The following THADA variants were observed in gnomAD, a reference collection of about 807,000 sequenced individuals.
THADA encodes the protein THADA armadillo repeat containing.
A neutral mutation model predicts 219.8 loss-of-function variants in THADA; 213 were observed. The observed-to-expected ratio is 0.97, with a 90% CI of 0.87 to 1.09. The LOEUF is 1.09. THADA is among the 50% of genes least tolerant of loss of function. The probability of loss-of-function intolerance (pLI) is 0.00; values close to 1 mark genes in which losing one functional copy is unlikely to be tolerated. For missense variants in THADA, 2,956 were observed against 2,311.3 expected, an observed-to-expected ratio of 1.28 and a Z score of -5.72; for synonymous variants, 1,018 against 828.9, an observed-to-expected ratio of 1.23 and a Z score of -3.92.
chr2:43,557,229 T>C (rs1189062609), intron 16 of THADA, among the ~76,000 whole-genome samples: 2 of 152,252 alleles, frequency 1.3e-5, no homozygotes, highest in African/African-American at 4.8e-5. Context: ...CTGGAAATAA[T>C]TTCAATTGGG....
chr2:43,357,522 G>A (rs1277619470), intron 29 of THADA, among the ~76,000 whole-genome samples: 3 of 152,190 alleles, frequency 2.0e-5, no homozygotes, highest in Non-Finnish European at 4.4e-5. Context: ...CCACTTCTAG[G>A]AGTTTATTTT....
chr2:43,271,771 C>A (rs548029983), intron 36 of THADA, among the ~76,000 whole-genome samples: 1 of 152,084 alleles, frequency 6.6e-6, no homozygotes, highest in African/African-American at 2.4e-5. Flanking sequence ...TGCACCACCA[C>A]GCCCAGCTAA....
chr2:43,292,707 C>T, intron 32 of THADA, 127 bp downstream of exon 32: 1 of 1,193,136 alleles, frequency 8.4e-7, no homozygotes, highest in Non-Finnish European at 1.2e-6. Context: ...CCACTGGCTG[C>T]CGAATCTACT....
In THADA at chr2:43,551,919, C is replaced by G. The variant is rs879262874; in HGVS notation, c.2817G>C (p.Leu939=). The change falls in exon 19 of 38, where the codon CTG becomes CTC. Residue 939 remains leucine, a synonymous_variant. Transcript: ENST00000405975. The part of the protein sequence containing the change: ...GALQKLSLNS[L]QLVSEWRPVV... ...CAGGTCTCCACTCGCTCACCAACTGCAGGCTGCTGCAACAAGGACATTAGG... is the reference window on the plus strand; with the variant it reads ...CAGGTCTCCACTCGCTCACCAACTGGAGGCTGCTGCAACAAGGACATTAGG... 6 of 1,610,212 alleles carry G rather than the reference C, an allele frequency of 3.7e-6. No individual in the cohort carries two copies. Among genetic ancestry groups the G allele is most frequent in the Non-Finnish European group, 5.1e-6 (6 of 1,178,976 alleles).
At chr2:43,561,418 T>C (rs188935807) in intron 15 of THADA, among the ~76,000 whole-genome samples, 1 of 152,276 alleles carries the variant, frequency 6.6e-6, no homozygotes, top group East Asian at 1.9e-4. Flanking sequence ...AAAGAAAAAT[T>C]ATCCCAAAGA....
In THADA at chr2:43,271,486, G is replaced by A. The variant is rs564473535; in HGVS notation, c.5296+8279C>T. ...CTTACTGGGTTTAACTACTTTGATAGATACATTCCTCAATTCATTCATTCA... is the reference window on the plus strand; with the variant it reads ...CTTACTGGGTTTAACTACTTTGATAAATACATTCCTCAATTCATTCATTCA... On this transcript the variant is annotated intron_variant, in intron 36 of 37. Coordinates refer to ENST00000405975, the MANE Select transcript of THADA (RefSeq NM_022065.5). 4.6e-5 allele frequency among the ~76,000 whole-genome samples: 7 copies of A among 152,126 alleles called. No individual in the cohort carries two copies. In the South Asian group the frequency reaches 1.5e-3, roughly 32 times the overall value.
Position 43,556,556 on chromosome 2 carries a change from C to T in THADA, c.2464-1G>A, listed in dbSNP as rs747960933. Reference sequence around the variant, plus strand: ...ATAAGCCTTGCAGTTTCCCCGAATCCTAGAATAAAGCGCAGACTCAGTAAC... The same window carrying T: ...ATAAGCCTTGCAGTTTCCCCGAATCTTAGAATAAAGCGCAGACTCAGTAAC... On this transcript the variant is annotated splice_acceptor_variant, in intron 16 of 37. Coordinates refer to ENST00000405975, the MANE Select transcript of THADA (RefSeq NM_022065.5). LOFTEE classifies it high-confidence loss of function. 6.2e-7 allele frequency: 1 copy of T among 1,613,028 alleles called. No homozygotes were observed. Among genetic ancestry groups the T allele is most frequent in the Non-Finnish European group, 8.5e-7 (1 of 1,179,400 alleles).
intron 7 of THADA, among the ~76,000 whole-genome samples, chr2:43,583,934 A>G (rs1461407707): frequency 2.0e-5 from 3 of 151,384 alleles, no homozygotes; most frequent in Admixed American, 1.3e-4. Flanking sequence ...CAGCTACTCC[A>G]GAGGCTGAGG....
intron 34 of THADA, among the ~76,000 whole-genome samples, chr2:43,288,171 C>G (rs1449669597): frequency 1.3e-5 from 2 of 152,232 alleles, no homozygotes; most frequent in Non-Finnish European, 2.9e-5. Flanking sequence ...ATAATCCCAG[C>G]ACTTTGGGAG....
At chr2:43,405,685 T>C (rs1675448038) in intron 28 of THADA, among the ~76,000 whole-genome samples, 1 of 152,214 alleles carries the variant, frequency 6.6e-6, no homozygotes, top group Admixed American at 6.5e-5. Context: ...TTTTAAAGTT[T>C]GATTTTTTAA....
chr2:43,466,087 C>A (rs901817234), intron 26 of THADA, among the ~76,000 whole-genome samples: 1 of 152,162 alleles, frequency 6.6e-6, no homozygotes, highest in Non-Finnish European at 1.5e-5. Context: ...TGCCTCATTT[C>A]CAACCTGAAC....
Position 43,505,655 on chromosome 2 carries a change from C to T in THADA, c.3588G>A (p.Gly1196=), listed in dbSNP as rs759624406. Residue 1196 remains glycine, a synonymous_variant, in exon 24 of 38, where the codon GGG becomes GGA. Coordinates refer to ENST00000405975, the MANE Select transcript of THADA (RefSeq NM_022065.5). ...CTGTACTCTGTATGTCATCTGTAGGCCCAGCCAAAGAGATTAACTCTTTCA... is the reference window on the plus strand; with the variant it reads ...CTGTACTCTGTATGTCATCTGTAGGTCCAGCCAAAGAGATTAACTCTTTCA... ...ITMKELISLA[G]PTDDIQSTVP... The T allele has an allele frequency of 2.1e-5, 33 of 1,596,434 alleles. No individual in the cohort carries two copies. Among genetic ancestry groups the T allele is most frequent in the Non-Finnish European group, 2.8e-5 (33 of 1,170,384 alleles).
intron 26 of THADA, among the ~76,000 whole-genome samples, chr2:43,438,175 G>A (rs557758729): frequency 2.0e-5 from 3 of 151,672 alleles, no homozygotes; most frequent in South Asian, 2.1e-4. Flanking sequence ...GGTGGCGGGC[G>A]CCTGTAGTCC....
intron 29 of THADA, among the ~76,000 whole-genome samples, chr2:43,396,956 T>C (rs1287206410): frequency 6.6e-6 from 1 of 152,246 alleles, no homozygotes; most frequent in Non-Finnish European, 1.5e-5. Context: ...TGACTGTCTA[T>C]ATATCTTGTG....
At chr2:43,235,838 G>C (rs890312408) in intron 36 of THADA, among the ~76,000 whole-genome samples, 7 of 150,820 alleles carry the variant, frequency 4.6e-5, no homozygotes, top group Non-Finnish European at 1.0e-4. Flanking sequence ...ACAGAGTCTC[G>C]CTCTGTCGCC....
chr2:43,510,118 A>G (rs1408217775), intron 22 of THADA, among the ~76,000 whole-genome samples: 3 of 152,252 alleles, frequency 2.0e-5, no homozygotes, highest in African/African-American at 7.2e-5. Flanking sequence ...AGATAACATC[A>G]AGAAATTCTT....
chr2:43,521,269 G>A (rs950400731), intron 22 of THADA, among the ~76,000 whole-genome samples: 3 of 152,072 alleles, frequency 2.0e-5, no homozygotes, highest in South Asian at 2.1e-4. Flanking sequence ...AAAAGAGGTA[G>A]GGAGGGCCGG....
intron 29 of THADA, among the ~76,000 whole-genome samples, chr2:43,395,693 A>T (rs758749531): frequency 5.9e-5 from 9 of 152,244 alleles, no homozygotes; most frequent in Non-Finnish European, 8.8e-5. Context: ...TGATATCATT[A>T]TATTGATAAC....
intron 24 of THADA, among the ~76,000 whole-genome samples, chr2:43,504,676 C>A (rs1446114992): frequency 6.6e-6 from 1 of 152,076 alleles, no homozygotes; most frequent in Non-Finnish European, 1.5e-5. Context: ...GTCAGGAGTT[C>A]GAGACCAACC....
Sources: gnomAD v4.1 joint callset for allele counts (sites outside exome capture counted in the v4.1 genomes callset) on GRCh38, gnomAD v4.1.1 for gene constraint, MANE v1.5 for transcripts, NCBI Gene and HGNC (gene_info 2026-07-23, HGNC 2026-07-21) for gene names.